DPF3: variants seen among roughly 807,000 people sequenced by gnomAD.
DPF3 encodes double PHD fingers 3.
Under a neutral mutation model 56.8 loss-of-function variants are expected in DPF3, and 18 were observed. The ratio of observed to expected loss-of-function variants is 0.32; its 90% confidence interval spans 0.22 to 0.47. The LOEUF (loss-of-function observed/expected upper bound fraction) is 0.47. Ranked by LOEUF, DPF3 falls within the 20% of genes least tolerant of loss-of-function variation. DPF3 has a pLI of 1.00. For missense variants in DPF3, 403 were observed against 488.8 expected (o/e 0.82, Z 1.65); for synonymous variants, 188 against 180.2 (o/e 1.04, Z -0.35).
intron 7 of DPF3, among the ~76,000 whole-genome samples, chr14:72,677,485 A>G (rs573540885): frequency 2.0e-5 from 3 of 152,254 alleles, no homozygotes; most frequent in Non-Finnish European, 4.4e-5. Context: ...TATCACCATT[A>G]TGACCCTTGT....
At chr14:72,659,957 C>G (rs1399533570) in intron 8 of DPF3, among the ~76,000 whole-genome samples, 1 of 152,152 alleles carries the variant, frequency 6.6e-6, no homozygotes, top group Non-Finnish European at 1.5e-5. Context: ...GACAAAAGGA[C>G]AAATGCTGTA....
intron 2 of DPF3, among the ~76,000 whole-genome samples, chr14:72,762,165 A>T (rs1891092752): frequency 6.6e-6 from 1 of 151,912 alleles, no homozygotes; most frequent in Admixed American, 6.5e-5. Context: ...GAAAAGTAAA[A>T]ATGAAGAAAT....
intron 1 of DPF3, among the ~76,000 whole-genome samples, chr14:72,865,113 G>C (rs1485165999): frequency 6.6e-6 from 1 of 152,190 alleles, no homozygotes; most frequent in Non-Finnish European, 1.5e-5. Context: ...CAGGAGGAGA[G>C]AGGGAGATTG....
intron 8 of DPF3, among the ~76,000 whole-genome samples, 171 bp from the exon 9 acceptor site, chr14:72,629,907 G>A (rs528398088): frequency 0.01 from 1,546 of 152,230 alleles, 29 homozygotes; most frequent in African/African-American, 0.035. Context: ...TCACCACCCA[G>A]TTATTCAGAT....
At chr14:72,632,691 G>A (rs1885236170) in intron 8 of DPF3, among the ~76,000 whole-genome samples, 1 of 124,976 alleles carries the variant, frequency 8.0e-6, no homozygotes, top group African/African-American at 2.8e-5. Flanking sequence ...GAAGGGAAGA[G>A]ATGAAAGGGA....
intron 7 of DPF3, among the ~76,000 whole-genome samples, chr14:72,688,988 C>T (rs747979475): frequency 6.6e-6 from 1 of 152,100 alleles, no homozygotes; most frequent in Non-Finnish European, 1.5e-5. Context: ...GAAATGTATA[C>T]TCAGGAGAAA....
chr14:72,819,803 T>C (rs1365638666), intron 1 of DPF3, among the ~76,000 whole-genome samples: 2 of 151,952 alleles, frequency 1.3e-5, no homozygotes, highest in Admixed American at 1.3e-4. Context: ...CCAGGTGTGG[T>C]GATATGTACC....
At chr14:72,709,617 A>G (rs182367204) in intron 6 of DPF3, among the ~76,000 whole-genome samples, 37 of 152,102 alleles carry the variant, frequency 2.4e-4, no homozygotes, top group East Asian at 1.3e-3. Flanking sequence ...AGGGTAGGAG[A>G]GCATATGTAA....
intron 6 of DPF3, among the ~76,000 whole-genome samples, chr14:72,709,078 G>A (rs1261193315): frequency 6.6e-6 from 1 of 152,222 alleles, no homozygotes; most frequent in Non-Finnish European, 1.5e-5. Context: ...AGAAACAAGA[G>A]ACTTTAGAAC....
chr14:72,876,417 C>A (rs529514677), intron 1 of DPF3, among the ~76,000 whole-genome samples: 2 of 152,308 alleles, frequency 1.3e-5, no homozygotes, highest in East Asian at 3.9e-4. Flanking sequence ...CCCCCTGGAG[C>A]CTCTCTTTTG....
At chr14:72,649,846 C>T (rs1020859003) in intron 8 of DPF3, among the ~76,000 whole-genome samples, 10 of 152,212 alleles carry the variant, frequency 6.6e-5, no homozygotes, top group African/African-American at 2.4e-4. Flanking sequence ...CTCAAGACAA[C>T]CCAGCCAACT....
chr14:72,749,802 G>A (rs955937587), intron 3 of DPF3, among the ~76,000 whole-genome samples: 1 of 151,842 alleles, frequency 6.6e-6, no homozygotes, highest in East Asian at 1.9e-4. Context: ...GCAGTGAGCT[G>A]TGATCGTGCC....
intron 2 of DPF3, among the ~76,000 whole-genome samples, chr14:72,753,649 G>A (rs1391201726): frequency 6.6e-6 from 1 of 152,108 alleles, no homozygotes; most frequent in Non-Finnish European, 1.5e-5. Flanking sequence ...CCTGCCTGGA[G>A]AGATCACCAA....
chr14:72,884,278 C>A (rs1886431044), intron 1 of DPF3, among the ~76,000 whole-genome samples: 1 of 152,192 alleles, frequency 6.6e-6, no homozygotes. Context: ...GATCCCAGGG[C>A]TATTTACACA....
At chr14:72,780,545 C>T (rs962181092) in intron 1 of DPF3, among the ~76,000 whole-genome samples, 2 of 152,188 alleles carry the variant, frequency 1.3e-5, no homozygotes, top group African/African-American at 2.4e-5. Flanking sequence ...GTGCTTGGAA[C>T]GTTCTAACTT....
At chr14:72,884,322 A>T (rs72732449) in intron 1 of DPF3, among the ~76,000 whole-genome samples, 6,789 of 152,316 alleles carry the variant, frequency 0.045, 239 homozygotes, top group East Asian at 0.19. Context: ...TTCCTGAGAA[A>T]CAATGATTAG....
chr14:72,687,006 G>A lies in DPF3; in HGVS notation c.742+6070C>T, dbSNP rs546921163. ...CTGTTAGATCTTTCCCAACAGTGTG[G>A]CAATGACATCATATGCTTCTTTTAG... On this transcript the variant is annotated intron_variant, in intron 7 of 10. Transcript: ENST00000556509. Among the ~76,000 whole-genome samples, 7 of 152,322 alleles carry A rather than the reference G, an allele frequency of 4.6e-5. No homozygotes were observed. In the East Asian group the frequency reaches 1.2e-3, roughly 25 times the overall value.
intron 1 of DPF3, among the ~76,000 whole-genome samples, chr14:72,866,168 C>T (rs1331772560): frequency 1.3e-5 from 2 of 152,152 alleles, no homozygotes; most frequent in Non-Finnish European, 2.9e-5. Context: ...GTTTGATGGG[C>T]TATGAGGGTT....
At chr14:72,635,815 T>C (rs533911996) in intron 8 of DPF3, among the ~76,000 whole-genome samples, 249 of 152,346 alleles carry the variant, frequency 1.6e-3, no homozygotes, top group Non-Finnish European at 3.0e-3. Context: ...TCACCGGTAT[T>C]TAATTTGGAC....
Sources: gnomAD v4.1 joint callset for allele counts (sites outside exome capture counted in the v4.1 genomes callset) on GRCh38, gnomAD v4.1.1 for gene constraint, MANE v1.5 for transcripts, NCBI Gene and HGNC (gene_info 2026-07-23, HGNC 2026-07-21) for gene names.